Variants in SUPT5H observed in about 807,000 individuals in gnomAD.
The protein encoded by SUPT5H is SPT5 homolog, DSIF elongation factor subunit, also known as transcription elongation factor SPT5.
SUPT5H carries 24 observed loss-of-function variants against 142.5 expected under a neutral mutation model. The ratio of observed to expected loss-of-function variants is 0.17; its 90% confidence interval spans 0.12 to 0.24. The LOEUF is 0.24. SUPT5H is among the 10% of genes least tolerant of loss of function. The pLI is 1.00. For synonymous variants in SUPT5H, 546 were observed against 553.0 expected (o/e 0.99, Z 0.18); for missense variants, 893 against 1,471.8 (o/e 0.61, Z 6.43).
In SUPT5H at chr19:39,472,955, TGGGGA is replaced by T. The variant is rs756434831; in HGVS notation, c.2155+31_2155+35del. On this transcript the variant is annotated intron_variant, in intron 22 of 29. Coordinates refer to ENST00000432763, the MANE Select transcript of SUPT5H (RefSeq NM_001111020.3). The surrounding 1 kb of genome is among the most constrained non-coding windows in gnomAD (Gnocchi z 4.2). Reference sequence around the variant, plus strand: ...GTGACCTGCGAGGCCTGTGGAGGCCTGGGGAGGGGCATGGTGAAGGAGAGCCTGCC... The same window carrying T: ...GTGACCTGCGAGGCCTGTGGAGGCCTGGGGCATGGTGAAGGAGAGCCTGCC... 10 of 1,611,620 alleles carry T rather than the reference TGGGGA, an allele frequency of 6.2e-6. No individual in the cohort carries two copies. In the South Asian group the frequency reaches 1.1e-4, roughly 18 times the overall value.
chr19:39,463,576 CTGT>C (rs1476423310), intron 10 of SUPT5H, among the ~76,000 whole-genome samples: 1 of 152,138 alleles, frequency 6.6e-6, no homozygotes, highest in East Asian at 1.9e-4. Context: ...GTGCATTCTG[CTGT>C]TGTTAGATGG....
At position 39,470,172 on chromosome 19, in the gene SUPT5H, C is replaced by T. The variant is rs139224827; in HGVS notation, c.1428C>T (p.Asp476=). ...QELRKYFKMG[D]HVKVIAGRFE... ...TTAGAAAATACTTCAAGATGGGGGACCACGTGAAGGTGATTGCTGGCCGAT... is the reference window on the plus strand; with the variant it reads ...TTAGAAAATACTTCAAGATGGGGGATCACGTGAAGGTGATTGCTGGCCGAT... The change falls in exon 17 of 30, where the codon GAC becomes GAT. Residue 476 remains aspartate (D), a synonymous_variant. Transcript: ENST00000432763. This position sits in a 1 kb window ranked among gnomAD's most constrained non-coding sequence, Gnocchi z 5.8. The T allele has an allele frequency of 4.0e-5, 64 of 1,612,868 alleles. No individual in the cohort carries two copies. The Middle Eastern group carries it at 8.3e-4, about 21-fold the overall frequency.
rs758576184 is a variant in SUPT5H, at chr19:39,453,360, A to G, written c.80A>G (p.Asp27Gly). ...AACCCTGCCTGACCCCTGTAGGTAGACGAAGAGCGGCGGAGTGCAGCGGGC... is the reference window on the plus strand; with the variant it reads ...AACCCTGCCTGACCCCTGTAGGTAGGCGAAGAGCGGCGGAGTGCAGCGGGC... ...RSSDGEEAEV[D>G]EERRSAAGSE... Residue 27 changes from aspartate (D) to glycine (G), a missense_variant, in exon 3 of 30, where the codon GAC becomes GGC. Transcript: ENST00000432763. 5.6e-6 allele frequency: 9 copies of G among 1,603,194 alleles called. No homozygotes were observed. Among genetic ancestry groups the G allele is most frequent in the Middle Eastern group, 3.3e-4 (2 of 6,028 alleles).
chr19:39,466,531 C>T lies in SUPT5H; in HGVS notation c.928C>T (p.Arg310Cys). The T allele has an allele frequency of 6.8e-6, 11 of 1,614,180 alleles. No individual in the cohort carries two copies. The highest frequency in any genetic ancestry group is 8.5e-6 in the Non-Finnish European group (10 of 1,180,040). ...CACCATCTCCCTGAAGATGATCCCA[C>T]GCATCGACTACGATCGCATCAAGGC... ...QNTISLKMIPRIDYDRIKARM... is the reference protein window; with the variant it reads ...QNTISLKMIPCIDYDRIKARM... Residue 310 changes from arginine to cysteine, a missense_variant, in exon 12 of 30, where the codon CGC becomes TGC. Arg to Cys is a radical substitution (Grantham distance 180). Coordinates refer to ENST00000432763, the MANE Select transcript of SUPT5H (RefSeq NM_001111020.3). This position sits in a 1 kb window ranked among gnomAD's most constrained non-coding sequence, Gnocchi z 4.3.
rs1356293341 is a variant in SUPT5H, at chr19:39,458,228, T to C, written c.308-66T>C. The stretch of plus-strand genomic sequence containing the variant: ...AATTTGGCTCATACTTTGTCTGCCC[T>C]CGCCCACCACCACCACCACCACCAC... On this transcript the variant is annotated intron_variant, in intron 4 of 29. Transcript: ENST00000432763. This position sits in a 1 kb window ranked among gnomAD's most constrained non-coding sequence, Gnocchi z 4.2. The C allele has an allele frequency of 1.3e-6, 2 of 1,533,530 alleles. No individual in the cohort carries two copies. The highest frequency in any genetic ancestry group is 1.7e-6 in the Non-Finnish European group (2 of 1,145,722). 95.0% of individuals were successfully genotyped at this position (1,533,530 alleles called of 1,614,324 possible).
chr19:39,458,270 A>ACCT lies in SUPT5H; in HGVS notation c.308-22_308-21insTCC. 1.1e-6 allele frequency: 1 copy of ACCT among 891,966 alleles called. No individual in the cohort carries two copies. The highest frequency in any genetic ancestry group is 1.6e-6 in the Non-Finnish European group (1 of 616,976). The allele number at this position is 891,966 out of a possible 1,614,324, so 55.3% of individuals were successfully genotyped here. ...CACCACCACCACCACCACCACCACC[A>ACCT]CCACCTCCTCTTCCTCCAAGTAGAA... On this transcript the variant is annotated intron_variant, in intron 4 of 29. Transcript: ENST00000432763. The surrounding 1 kb of genome is among the most constrained non-coding windows in gnomAD (Gnocchi z 4.2).
At chr19:39,447,285 G>A (rs1243620027) in intron 2 of SUPT5H, among the ~76,000 whole-genome samples, 8 of 152,126 alleles carry the variant, frequency 5.3e-5, no homozygotes, top group African/African-American at 1.7e-4. Context: ...GGTCTTAACT[G>A]AGTAAAATGA....
Position 39,458,058 on chromosome 19 carries a change from C to T in SUPT5H, c.308-236C>T. 1 of 768,008 alleles carries T rather than the reference C, an allele frequency of 1.3e-6. No homozygotes were observed. The highest frequency in any genetic ancestry group is 2.1e-6 in the Non-Finnish European group (1 of 485,112). The allele number at this position is 768,008 out of a possible 1,614,324, so 47.6% of individuals were successfully genotyped here. A position where few individuals can be genotyped will look rare whatever the true frequency, so the allele number is the denominator to read the frequency against. ...CCCCACTTCCTGGGCCAGTGCCCCC[C>T]TTTCCCCGTTATTTTCCGTTCTGTG... On this transcript the variant is annotated intron_variant, in intron 4 of 29. Coordinates refer to ENST00000432763, the MANE Select transcript of SUPT5H (RefSeq NM_001111020.3). This position sits in a 1 kb window ranked among gnomAD's most constrained non-coding sequence, Gnocchi z 4.2.
At chr19:39,453,012 CAAAAA>C (rs201092518) in intron 2 of SUPT5H, among the ~76,000 whole-genome samples, 2 of 109,352 alleles carry the variant, frequency 1.8e-5, no homozygotes, top group Non-Finnish European at 1.9e-5. Flanking sequence ...GACTCTGTCT[CAAAAA>C]AAAAAAAAAA....
In SUPT5H at chr19:39,459,957, C is replaced by G. The variant is rs1486790529; in HGVS notation, c.621C>G (p.Asp207Glu). The G allele has an allele frequency of 2.5e-6, 4 of 1,613,964 alleles. No homozygotes were observed. The Admixed American group carries it at 6.7e-5, about 27-fold the overall frequency. ...MRKFIAYQFTDTPLQIKSVVA... is the reference protein window; with the variant it reads ...MRKFIAYQFTETPLQIKSVVA... ...AGTTCATTGCCTACCAGTTCACAGA[C>G]ACGGTAAGTCGGGTAGACAGGCGGC... is the stretch of plus-strand genomic sequence containing the variant. The change falls in exon 10 of 30, where the codon GAC (aspartate) becomes GAG (glutamate). Residue 207 changes from aspartate to glutamate, a missense_variant. Transcript: ENST00000432763.
In SUPT5H at chr19:39,470,861, G is replaced by C. The variant is rs1471431526; in HGVS notation, c.1677+338G>C. ...CTTTGCTCCTTCCTCATGGATGTGG[G>C]AGTCATGGAGCACAGTACTTAGGAT... On this transcript the variant is annotated intron_variant, in intron 18 of 29. Coordinates refer to ENST00000432763, the MANE Select transcript of SUPT5H (RefSeq NM_001111020.3). The surrounding 1 kb of genome is among the most constrained non-coding windows in gnomAD (Gnocchi z 5.8). 4.6e-5 allele frequency among the ~76,000 whole-genome samples: 7 copies of C among 152,134 alleles called. No homozygotes were observed. The highest frequency in any genetic ancestry group is 1.7e-4 in the African/African-American group (7 of 41,414).
At chr19:39,455,896 C>T (rs550569421) in intron 3 of SUPT5H, among the ~76,000 whole-genome samples, 38 of 138,674 alleles carry the variant, frequency 2.7e-4, no homozygotes, top group African/African-American at 1.0e-3. Flanking sequence ...ACTGGGATTA[C>T]AGGCGTGAAC....
Position 39,465,031 on chromosome 19 carries a change from C to T in SUPT5H, c.858C>T (p.Tyr286=), listed in dbSNP as rs770858244. The part of the protein sequence containing the change: ...KSWVRLKRGI[Y]KDDIAQVDYV... ...GGGTCCGCCTCAAGCGGGGCATCTA[C>T]AAGGATGACATTGCTCAGGTGCCCG... Residue 286 remains tyrosine, a synonymous_variant, in exon 11 of 30, where the codon TAC becomes TAT. Coordinates refer to ENST00000432763, the MANE Select transcript of SUPT5H (RefSeq NM_001111020.3). 4.3e-5 allele frequency: 69 copies of T among 1,613,854 alleles called. No homozygotes were observed. The highest frequency in any genetic ancestry group is 5.8e-5 in the Non-Finnish European group (69 of 1,179,758).
At chr19:39,457,138 G>A (rs554188409) in intron 3 of SUPT5H, among the ~76,000 whole-genome samples, 8 of 152,228 alleles carry the variant, frequency 5.3e-5, no homozygotes, top group African/African-American at 1.9e-4. Context: ...AGCTGAGTCT[G>A]TGGGCAAGTT....
rs748044969 is a variant in SUPT5H, at chr19:39,474,146, G to A, written c.2651+25G>A. 78 of 1,605,294 alleles carry A rather than the reference G, an allele frequency of 4.9e-5. No individual in the cohort carries two copies. In the Admixed American group the frequency reaches 1.0e-3, roughly 21 times the overall value. On this transcript the variant is annotated intron_variant, in intron 26 of 29. Transcript: ENST00000432763. This position sits in a 1 kb window ranked among gnomAD's most constrained non-coding sequence, Gnocchi z 6.5. ...TGTGAGTCCACTGGGGCCTGCCCTCGTCTACCCCTGCCCAAACCCTCCTAC... is the reference window on the plus strand; with the variant it reads ...TGTGAGTCCACTGGGGCCTGCCCTCATCTACCCCTGCCCAAACCCTCCTAC...
chr19:39,452,845 T>G (rs962179419), intron 2 of SUPT5H, among the ~76,000 whole-genome samples: 4 of 151,834 alleles, frequency 2.6e-5, no homozygotes, highest in Non-Finnish European at 4.4e-5. Flanking sequence ...GCCACGTGTC[T>G]ACTAAAAAAA....
At chr19:39,446,019 C>G in intron 2 of SUPT5H, 54 bp downstream of exon 2, 1 of 1,572,234 alleles carries the variant, frequency 6.4e-7, no homozygotes, top group South Asian at 1.1e-5. Context: ...GGACTCCGGG[C>G]AGAAAGGCCC....
Position 39,469,532 on chromosome 19 carries a change from A to C in SUPT5H, c.1374+134A>C. The C allele has an allele frequency of 2.3e-6, 3 of 1,312,162 alleles. No individual in the cohort carries two copies. The highest frequency in any genetic ancestry group is 3.1e-6 in the Non-Finnish European group (3 of 953,288). The allele number at this position is 1,312,162 out of a possible 1,614,324, so 81.3% of individuals were successfully genotyped here. A position where few individuals can be genotyped will look rare whatever the true frequency, so the allele number is the denominator to read the frequency against. On this transcript the variant is annotated intron_variant, in intron 16 of 29. Coordinates refer to ENST00000432763, the MANE Select transcript of SUPT5H (RefSeq NM_001111020.3). The surrounding 1 kb of genome is among the most constrained non-coding windows in gnomAD (Gnocchi z 5.1). The stretch of plus-strand genomic sequence containing the variant: ...AAGTTGAGGCCCTTCTAGCATTCTC[A>C]GGTGCCTGAGAGGCTCTGTCTGAGT...
At chr19:39,454,356 GTT>G (rs869183044) in intron 3 of SUPT5H, among the ~76,000 whole-genome samples, 1 of 26,164 alleles carries the variant, frequency 3.8e-5, no homozygotes, top group Non-Finnish European at 6.7e-5. Flanking sequence ...TGTTGTCGTT[GTT>G]TTTTTTTTTT....
Sources: gnomAD v4.1 joint callset for allele counts (sites outside exome capture counted in the v4.1 genomes callset) on GRCh38, gnomAD v4.1.1 for gene constraint, Gnocchi (gnomAD v3.1) non-coding constraint, MANE v1.5 for transcripts, NCBI Gene and HGNC (gene_info 2026-07-23, HGNC 2026-07-21) for gene names.